The following DYNC1H1 variants were observed in gnomAD, a reference collection of about 807,000 sequenced individuals.
DYNC1H1 encodes dynein cytoplasmic 1 heavy chain 1.
Under a neutral mutation model 527.1 loss-of-function variants are expected in DYNC1H1, and 51 were observed. That is an observed-to-expected ratio of 0.10 (90% CI 0.08 to 0.12). The LOEUF (loss-of-function observed/expected upper bound fraction) is 0.12. Among genes scored for constraint, DYNC1H1 ranks in the 10% least tolerant of loss-of-function variants. The pLI is 1.00. For missense variants in DYNC1H1, 2,771 were observed against 5,971.8 expected (o/e 0.46, Z 17.66); for synonymous variants, 2,189 against 2,278.8 (o/e 0.96, Z 1.12).
At chr14:102,043,847 C>T (rs375810761) in intron 69 of DYNC1H1, 28 bp from the exon 70 acceptor site, 31 of 1,614,032 alleles carry the variant, frequency 1.9e-5, no homozygotes, top group Non-Finnish European at 8.5e-6. Flanking sequence ...TTTCTAATGA[C>T]TCTGTGCTTG....
At chr14:102,008,459 C>A in intron 29 of DYNC1H1, 122 bp downstream of exon 29, 1 of 1,338,224 alleles carries the variant, frequency 7.5e-7, no homozygotes, top group Non-Finnish European at 1.0e-6. Context: ...CTCACTGTTA[C>A]AGGCAGTGTA....
chr14:102,022,615 C>A, intron 42 of DYNC1H1, 136 bp from the exon 43 acceptor site: 1 of 1,204,556 alleles, frequency 8.3e-7, no homozygotes, highest in Non-Finnish European at 1.2e-6. Flanking sequence ...TTCATCCATG[C>A]ATAGTAAAGG....
In DYNC1H1 at chr14:102,042,009, G is replaced by C. The variant is rs1341121495; in HGVS notation, c.12103-4G>C. On this transcript the variant is annotated splice_polypyrimidine_tract_variant and splice_region_variant and intron_variant, in intron 65 of 77. Coordinates refer to ENST00000360184, the MANE Select transcript of DYNC1H1 (RefSeq NM_001376.5). The surrounding 1 kb of genome is among the most constrained non-coding windows in gnomAD (Gnocchi z 5.7). ...GTAATAACTTCTGCCTTCTTTGTTTGCAGGTGAAGCCCAACACTCCTGTCT... is the reference window on the plus strand; with the variant it reads ...GTAATAACTTCTGCCTTCTTTGTTTCCAGGTGAAGCCCAACACTCCTGTCT... 6.2e-7 allele frequency: 1 copy of C among 1,613,916 alleles called. No homozygotes were observed. The highest frequency in any genetic ancestry group is 1.3e-5 in the African/African-American group (1 of 74,910).
At position 101,965,057 on chromosome 14, in the gene DYNC1H1, T is replaced by A; in HGVS notation, c.256+110T>A. 4 of 1,223,600 alleles carry A rather than the reference T, an allele frequency of 3.3e-6. No individual in the cohort carries two copies. Among genetic ancestry groups the A allele is most frequent in the Non-Finnish European group, 4.5e-6 (4 of 890,428 alleles). The allele number at this position is 1,223,600 out of a possible 1,614,324, so 75.8% of individuals were successfully genotyped here. A position where few individuals can be genotyped will look rare whatever the true frequency, so the allele number is the denominator to read the frequency against. ...CCCGGGATGGGAGGAGCCCGGCAGC[T>A]GCAGATGACCCCTGGATGGGCAGAG... On this transcript the variant is annotated intron_variant, in intron 1 of 77. Coordinates refer to ENST00000360184, the MANE Select transcript of DYNC1H1 (RefSeq NM_001376.5). This position sits in a 1 kb window ranked among gnomAD's most constrained non-coding sequence, Gnocchi z 4.1.
In DYNC1H1 at chr14:102,005,500, C is replaced by T. The variant is rs963013729; in HGVS notation, c.5433+264C>T. Among the ~76,000 whole-genome samples, 6 of 152,218 alleles carry T rather than the reference C, an allele frequency of 3.9e-5. No individual in the cohort carries two copies. The highest frequency in any genetic ancestry group is 5.9e-5 in the Non-Finnish European group (4 of 68,032). On this transcript the variant is annotated intron_variant, in intron 26 of 77. Transcript: ENST00000360184. The surrounding 1 kb of genome is among the most constrained non-coding windows in gnomAD (Gnocchi z 4.0). ...GATCTCTTGCTCTTTCCTGTCATCT[C>T]CCCAGAGAGGTGGCCACAGCAGTGC... is the stretch of plus-strand genomic sequence containing the variant.
chr14:101,980,468 G>A lies in DYNC1H1; in HGVS notation c.879G>A (p.Glu293=). ...TATACCGCATCCAGGAGAAACGGGA[G>A]AGCCCGGAAGTTCTCCTGACTCTGG... ...RALYRIQEKR[E]SPEVLLTLDI... The change falls in exon 5 of 78, where the codon GAG becomes GAA. Residue 293 remains glutamate, a synonymous_variant. Transcript: ENST00000360184. 1 of 1,614,232 alleles carries A rather than the reference G, an allele frequency of 6.2e-7. No homozygotes were observed. Among genetic ancestry groups the A allele is most frequent in the Middle Eastern group, 1.6e-4 (1 of 6,062 alleles).
rs1395600171 is a variant in DYNC1H1, at chr14:101,997,520, G to C, written c.3804+246G>C. On this transcript the variant is annotated intron_variant, in intron 16 of 77. Transcript: ENST00000360184. This position sits in a 1 kb window ranked among gnomAD's most constrained non-coding sequence, Gnocchi z 4.8. ...AAGGATTAAAGTTTTTCTGTTCTTA[G>C]ATCATTCTCTTACGTAGATATGCGC... Among the ~76,000 whole-genome samples the C allele has an allele frequency of 6.6e-6, 1 of 152,174 alleles. No individual in the cohort carries two copies. Among genetic ancestry groups the C allele is most frequent in the Non-Finnish European group, 1.5e-5 (1 of 68,030 alleles).
At position 102,012,627 on chromosome 14, in the gene DYNC1H1, A is replaced by AT. The variant is rs199886275; in HGVS notation, c.7014+165dup. 20,915 of 1,045,740 alleles carry AT rather than the reference A, an allele frequency of 0.02. 469 individuals are homozygous for AT. The highest frequency in any genetic ancestry group is 0.078 in the South Asian group (5,784 of 73,954). 64.8% of individuals were successfully genotyped at this position (1,045,740 alleles called of 1,614,324 possible). ...TCAAAGATAGCATCTCAACTGCTAGATTTTTTTTCCATTTCCATGGCTAGT... is the reference window on the plus strand; with the variant it reads ...TCAAAGATAGCATCTCAACTGCTAGATTTTTTTTTCCATTTCCATGGCTAGT... On this transcript the variant is annotated intron_variant, in intron 34 of 77. Coordinates refer to ENST00000360184, the MANE Select transcript of DYNC1H1 (RefSeq NM_001376.5). The surrounding 1 kb of genome is among the most constrained non-coding windows in gnomAD (Gnocchi z 4.9).
Position 102,034,206 on chromosome 14 carries a change from T to C in DYNC1H1, c.10626+18T>C. The C allele has an allele frequency of 6.2e-7, 1 of 1,613,796 alleles. No individual in the cohort carries two copies. The highest frequency in any genetic ancestry group is 1.3e-5 in the African/African-American group (1 of 74,902). On this transcript the variant is annotated intron_variant, in intron 55 of 77. Coordinates refer to ENST00000360184, the MANE Select transcript of DYNC1H1 (RefSeq NM_001376.5). ...ACATCCAGGTGAGAATCACGGGGAG[T>C]TCAAAAAGGATGTGCGAGCAGTGTG... is the stretch of plus-strand genomic sequence containing the variant.
chr14:102,050,455 G>A lies in DYNC1H1; in HGVS notation c.13833G>A (p.Leu4611=). The A allele has an allele frequency of 3.7e-6, 6 of 1,614,164 alleles. No individual in the cohort carries two copies. The highest frequency in any genetic ancestry group is 5.1e-6 in the Non-Finnish European group (6 of 1,180,046). ...KASVVTLPVY[L]NFTRADLIFT... The stretch of plus-strand genomic sequence containing the variant: ...TGCAGGTAACCTTACCTGTCTACCT[G>A]AACTTCACCCGTGCAGACCTCATCT... Residue 4611 remains leucine (L), a synonymous_variant, in exon 78 of 78, where the codon CTG becomes CTA. Coordinates refer to ENST00000360184, the MANE Select transcript of DYNC1H1 (RefSeq NM_001376.5).
Position 102,047,552 on chromosome 14 carries a change from CACACACACACACATATATATATACAT to C in DYNC1H1, c.13007-259_13007-234del, listed in dbSNP as rs772132986. ...ACTCCATCTCAAAAATATATATATA[CACACACACACACATATATATATACAT>C]ACACATACGTATATATATATACACA... On this transcript the variant is annotated intron_variant, in intron 72 of 77. Coordinates refer to ENST00000360184, the MANE Select transcript of DYNC1H1 (RefSeq NM_001376.5). The C allele has an allele frequency of 2.4e-3, 523 of 213,652 alleles. 9 individuals carry two copies. The highest frequency in any genetic ancestry group is 3.9e-3 in the Non-Finnish European group (423 of 109,734). The allele number at this position is 213,652 out of a possible 1,614,324, so 13.2% of individuals were successfully genotyped here.
chr14:102,013,740 G>A (rs1229865457), intron 34 of DYNC1H1, among the ~76,000 whole-genome samples: 1 of 152,146 alleles, frequency 6.6e-6, no homozygotes, highest in East Asian at 1.9e-4. Flanking sequence ...CCGTCTGGCT[G>A]CCGTTTGGAG....
rs775075656 is a variant in DYNC1H1, at chr14:102,027,904, A to G, written c.9264-33A>G. ...TTCCAAGGGACAAAGCCTGCCCCTC[A>G]TAGCTGTCCTGAAACATGGGCCTCT... On this transcript the variant is annotated intron_variant, in intron 47 of 77. Coordinates refer to ENST00000360184, the MANE Select transcript of DYNC1H1 (RefSeq NM_001376.5). The surrounding 1 kb of genome is among the most constrained non-coding windows in gnomAD (Gnocchi z 7.7). 2 of 1,614,066 alleles carry G rather than the reference A, an allele frequency of 1.2e-6. No individual in the cohort carries two copies. Among genetic ancestry groups the G allele is most frequent in the African/African-American group, 2.7e-5 (2 of 74,918 alleles).
Position 101,997,218 on chromosome 14 carries a change from G to A in DYNC1H1, c.3748G>A (p.Val1250Met), listed in dbSNP as rs369914512. The change falls in exon 16 of 78, where the codon GTG (valine) becomes ATG (methionine). Residue 1250 changes from valine to methionine, a missense_variant. Val to Met is a conservative substitution (Grantham distance 21, BLOSUM62 1). Coordinates refer to ENST00000360184, the MANE Select transcript of DYNC1H1 (RefSeq NM_001376.5). This position sits in a 1 kb window ranked among gnomAD's most constrained non-coding sequence, Gnocchi z 4.8. ...GAAGATTGTCCAGGAGGATCGGGCC[G>A]TGGAAAGCCGCACCACCGACCTGCT... Reference protein sequence around the residue: ...QMKIVQEDRAVESRTTDLLTD... With the variant: ...QMKIVQEDRAMESRTTDLLTD... 17 of 1,613,934 alleles carry A rather than the reference G, an allele frequency of 1.1e-5. No individual in the cohort carries two copies. Among genetic ancestry groups the A allele is most frequent in the Admixed American group, 1.7e-5 (1 of 59,988 alleles).
chr14:102,017,648 T>C lies in DYNC1H1; in HGVS notation c.8177+144T>C. 7.0e-7 allele frequency: 1 copy of C among 1,435,056 alleles called. No individual in the cohort carries two copies. The highest frequency in any genetic ancestry group is 9.7e-7 in the Non-Finnish European group (1 of 1,035,744). 88.9% of individuals were successfully genotyped at this position (1,435,056 alleles called of 1,614,324 possible). Reference sequence around the variant, plus strand: ...TTCCTCTTGGGTTACTTCTCTGTGCTGTAATGCCAGGAAAACATGTTAAAA... The same window carrying C: ...TTCCTCTTGGGTTACTTCTCTGTGCCGTAATGCCAGGAAAACATGTTAAAA... On this transcript the variant is annotated intron_variant, in intron 40 of 77. Coordinates refer to ENST00000360184, the MANE Select transcript of DYNC1H1 (RefSeq NM_001376.5). The surrounding 1 kb of genome is among the most constrained non-coding windows in gnomAD (Gnocchi z 4.6).
In DYNC1H1 at chr14:102,052,987, A is replaced by G. The variant is rs1371822271; in HGVS notation, c.*2424A>G. 1 of 152,210 alleles carries G rather than the reference A, an allele frequency of 6.6e-6. No individual in the cohort carries two copies. The highest frequency in any genetic ancestry group is 1.9e-4 in the East Asian group (1 of 5,198). 9.4% of individuals were successfully genotyped at this position (152,210 alleles called of 1,614,324 possible). On this transcript the variant is annotated 3_prime_UTR_variant, in exon 78 of 78. Transcript: ENST00000360184. The stretch of plus-strand genomic sequence containing the variant: ...TGGGGGTGTCTTCCGAATCGCCATC[A>G]TAAAGATCTAAAAGCTGAGGACAAA...
At chr14:101,980,637 G>C in intron 5 of DYNC1H1, 87 bp downstream of exon 5, 2 of 1,478,620 alleles carry the variant, frequency 1.4e-6, no homozygotes, top group Non-Finnish European at 1.8e-6. Context: ...GAAAACTATA[G>C]TTTTCACAGA....
Position 102,001,929 on chromosome 14 carries a change from A to G in DYNC1H1, c.4542+248A>G, listed in dbSNP as rs2048135414. ...GCTGGGACCACAGGCACATGCCACC[A>G]TGCTGGGCTAGCTTTTTATTTTTTG... is the stretch of plus-strand genomic sequence containing the variant. On this transcript the variant is annotated intron_variant, in intron 21 of 77. Coordinates refer to ENST00000360184, the MANE Select transcript of DYNC1H1 (RefSeq NM_001376.5). This position sits in a 1 kb window ranked among gnomAD's most constrained non-coding sequence, Gnocchi z 5.0. 6.6e-6 allele frequency among the ~76,000 whole-genome samples: 1 copy of G among 152,040 alleles called. No individual in the cohort carries two copies. Among genetic ancestry groups the G allele is most frequent in the Non-Finnish European group, 1.5e-5 (1 of 68,002 alleles).
intron 7 of DYNC1H1, among the ~76,000 whole-genome samples, chr14:101,984,725 G>T (rs949820205): frequency 3.3e-5 from 5 of 151,018 alleles, no homozygotes; most frequent in African/African-American, 1.2e-4. Context: ...GAGGTCAGAA[G>T]ATTGAGACTA....
Sources: gnomAD v4.1 joint callset for allele counts (sites outside exome capture counted in the v4.1 genomes callset) on GRCh38, gnomAD v4.1.1 for gene constraint, Gnocchi (gnomAD v3.1) non-coding constraint, MANE v1.5 for transcripts, NCBI Gene and HGNC (gene_info 2026-07-23, HGNC 2026-07-21) for gene names.